PIK3C2G: variants seen among roughly 807,000 people sequenced by gnomAD.
PIK3C2G encodes phosphatidylinositol 3-kinase C2 domain-containing subunit gamma.
Under a neutral mutation model 181.1 loss-of-function variants are expected in PIK3C2G, and 168 were observed. The observed-to-expected ratio is 0.93, with a 90% CI of 0.82 to 1.05. The LOEUF is 1.05. Ranked by LOEUF, PIK3C2G falls within the 50% of genes least tolerant of loss-of-function variation. The pLI is 0.00. For synonymous variants in PIK3C2G, 573 were observed against 592.2 expected (o/e 0.97, Z 0.47); for missense variants, 1,869 against 1,732.8 (o/e 1.08, Z -1.40).
At chr12:18,477,754 T>G (rs1171998560) in intron 18 of PIK3C2G, among the ~76,000 whole-genome samples, 1 of 152,180 alleles carries the variant, frequency 6.6e-6, no homozygotes, top group African/African-American at 2.4e-5. Flanking sequence ...TCTCACTGTT[T>G]GTGACTCTGA....
At chr12:18,374,991 C>A (rs781447327) in intron 13 of PIK3C2G, among the ~76,000 whole-genome samples, 1 of 152,194 alleles carries the variant, frequency 6.6e-6, no homozygotes, top group African/African-American at 2.4e-5. Context: ...AAACTCTTCT[C>A]TTTTAAATTG....
intron 26 of PIK3C2G, among the ~76,000 whole-genome samples, chr12:18,559,817 TATATAGAG>T (rs1277129541): frequency 2.7e-4 from 6 of 22,162 alleles, no homozygotes; most frequent in African/African-American, 4.8e-4. Context: ...TATATATATA[TATATAGAG>T]AGAGAGAGAG....
chr12:18,275,725 T>C (rs897475526), intron 1 of PIK3C2G, among the ~76,000 whole-genome samples: 3 of 152,198 alleles, frequency 2.0e-5, no homozygotes, highest in African/African-American at 7.2e-5. Flanking sequence ...TTCTTGTTTT[T>C]GGCCTTGGCT....
chr12:18,712,568 C>T, the PIK3C2G span, among the ~76,000 whole-genome samples: 1 of 152,048 alleles, frequency 6.6e-6, no homozygotes, highest in Non-Finnish European at 1.5e-5. Flanking sequence ...CCATCATCCA[C>T]AATAATAAAT....
In PIK3C2G at chr12:18,488,621, C is replaced by A; in HGVS notation, c.2677C>A (p.Gln893Lys). ...GERVKSASDHQRQEVLKKEIG... is the reference protein window; with the variant it reads ...GERVKSASDHKRQEVLKKEIG... The stretch of plus-strand genomic sequence containing the variant: ...AAGAGTCAAGTCTGCCAGTGACCAT[C>A]AAAGACAGGTTTGTTGAAATATTAA... The change falls in exon 19 of 33, where the codon CAA (glutamine) becomes AAA (lysine). Residue 893 changes from glutamine to lysine, a missense_variant. Transcript: ENST00000538779. The A allele has an allele frequency of 6.6e-7, 1 of 1,505,748 alleles. No individual in the cohort carries two copies. Among genetic ancestry groups the A allele is most frequent in the Admixed American group, 2.3e-5 (1 of 44,296 alleles). 93.3% of individuals were successfully genotyped at this position (1,505,748 alleles called of 1,614,324 possible).
At position 18,391,109 on chromosome 12, in the gene PIK3C2G, T is replaced by G. The variant is rs1460499679; in HGVS notation, c.1996-13T>G. ...CACCTTCAACACATGGCAAATCATT[T>G]TTTTTCTTTCAGATTGATTTTCCAG... On this transcript the variant is annotated splice_polypyrimidine_tract_variant and intron_variant, in intron 14 of 32. Coordinates refer to ENST00000538779, the MANE Select transcript of PIK3C2G (RefSeq NM_001288772.2). 1 of 1,590,436 alleles carries G rather than the reference T, an allele frequency of 6.3e-7. No homozygotes were observed.
intron 31 of PIK3C2G, among the ~76,000 whole-genome samples, chr12:18,619,933 C>T (rs1402325867): frequency 6.6e-6 from 1 of 152,016 alleles, no homozygotes; most frequent in East Asian, 1.9e-4. Context: ...ACCATGTTAG[C>T]CAGGATGTTC....
intron 13 of PIK3C2G, 134 bp downstream of exon 13, chr12:18,371,445 C>A: frequency 2.9e-6 from 2 of 698,482 alleles, no homozygotes; most frequent in Non-Finnish European, 4.3e-6. Flanking sequence ...CAATATAAAT[C>A]GTGACTGCTG....
intron 26 of PIK3C2G, among the ~76,000 whole-genome samples, chr12:18,559,847 GAGAGAGAGAGAGAGAGAGAC>G (rs1230605304): frequency 7.4e-5 from 10 of 135,910 alleles, no homozygotes; most frequent in African/African-American, 2.4e-4. Context: ...GAGAGAGAGA[GAGAGAGAGAGAGAGAGAGAC>G]AGTTTTGCTC....
chr12:18,287,733 G>A (rs986769489), intron 3 of PIK3C2G, among the ~76,000 whole-genome samples: 14 of 151,550 alleles, frequency 9.2e-5, no homozygotes, highest in East Asian at 5.8e-4. Flanking sequence ...GTGTGGTGGC[G>A]TGCACCTGTA....
chr12:18,599,818 A>C (rs1266083847), intron 30 of PIK3C2G, among the ~76,000 whole-genome samples: 1 of 152,004 alleles, frequency 6.6e-6, no homozygotes, highest in Non-Finnish European at 1.5e-5. Flanking sequence ...TTGATGAAGA[A>C]AAAGAGGAAT....
At chr12:18,318,764 T>A (rs1182314567) in intron 6 of PIK3C2G, among the ~76,000 whole-genome samples, 4 of 150,318 alleles carry the variant, frequency 2.7e-5, no homozygotes, top group African/African-American at 9.8e-5. Context: ...TATAATTTAA[T>A]CCTCATTTCA....
At chr12:18,415,426 T>G (rs1945120566) in intron 16 of PIK3C2G, among the ~76,000 whole-genome samples, 2 of 152,194 alleles carry the variant, frequency 1.3e-5, no homozygotes, top group Non-Finnish European at 1.5e-5. Context: ...ATTAATGTTG[T>G]GTGTGTTCTG....
intron 18 of PIK3C2G, among the ~76,000 whole-genome samples, chr12:18,455,456 A>G (rs1045538380): frequency 6.6e-6 from 1 of 151,948 alleles, no homozygotes; most frequent in African/African-American, 2.4e-5. Context: ...TTAAAATTTT[A>G]TTTTCTCCCT....
intron 28 of PIK3C2G, among the ~76,000 whole-genome samples, chr12:18,564,039 G>T (rs1242689175): frequency 6.6e-6 from 1 of 151,068 alleles, no homozygotes; most frequent in African/African-American, 2.4e-5. Flanking sequence ...AACTCATTTT[G>T]TGCCATTGAT....
downstream of PIK3C2G, among the ~76,000 whole-genome samples, chr12:18,651,780 G>T (rs941265006): frequency 1.3e-5 from 2 of 152,152 alleles, no homozygotes; most frequent in Non-Finnish European, 2.9e-5. Flanking sequence ...CTCCTTGCAG[G>T]GTATATGAAT....
chr12:18,315,275 A>G (rs1180014193), intron 6 of PIK3C2G, among the ~76,000 whole-genome samples: 1 of 152,158 alleles, frequency 6.6e-6, no homozygotes, highest in Middle Eastern at 3.2e-3. Context: ...CTTGTGCTCA[A>G]CTTAGCTGCT....
chr12:18,718,940 T>C, the PIK3C2G span, among the ~76,000 whole-genome samples: 1 of 152,326 alleles, frequency 6.6e-6, no homozygotes, highest in East Asian at 1.9e-4. Context: ...TTATTTTTAA[T>C]CTATGTAAAC....
At chr12:18,630,092 G>A (rs368804722) in intron 31 of PIK3C2G, among the ~76,000 whole-genome samples, 3 of 152,116 alleles carry the variant, frequency 2.0e-5, no homozygotes, top group South Asian at 2.1e-4. Flanking sequence ...ATTATGAAGG[G>A]AAGGCATGAC....
Sources: gnomAD v4.1 joint callset for allele counts (sites outside exome capture counted in the v4.1 genomes callset) on GRCh38, gnomAD v4.1.1 for gene constraint, MANE v1.5 for transcripts, NCBI Gene and HGNC (gene_info 2026-07-23, HGNC 2026-07-21) for gene names.